The following SNRNP35 variants were observed in gnomAD, a reference collection of about 807,000 sequenced individuals.
SNRNP35 encodes small nuclear ribonucleoprotein U11/U12 subunit 35.
A neutral mutation model predicts 24.3 loss-of-function variants in SNRNP35; 16 were observed. The observed-to-expected ratio is 0.66, with a 90% CI of 0.45 to 1.00. SNRNP35 has a LOEUF of 1.00. Ranked by LOEUF, SNRNP35 falls within the 50% of genes least tolerant of loss-of-function variation. The pLI, the probability that SNRNP35 is intolerant of heterozygous loss-of-function variation, is 0.00. For missense variants in SNRNP35, 292 were observed against 327.2 expected, an observed-to-expected ratio of 0.89 and a Z score of 0.83; for synonymous variants, 106 against 124.8, an observed-to-expected ratio of 0.85 and a Z score of 1.00.
chr12:123,465,417 C>G lies in SNRNP35; in HGVS notation c.-3-121C>G. On this transcript the variant is annotated intron_variant, in intron 1 of 1. Transcript: ENST00000526639. This position sits in a 1 kb window ranked among gnomAD's most constrained non-coding sequence, Gnocchi z 4.2. Reference sequence around the variant, plus strand: ...GAGGACTTAGCCTCTGTGGGTGTTCCCTTCCTTTCCTGTTTTTAAGAAGAG... The same window carrying G: ...GAGGACTTAGCCTCTGTGGGTGTTCGCTTCCTTTCCTGTTTTTAAGAAGAG... 8.1e-7 allele frequency: 1 copy of G among 1,228,854 alleles called. No individual in the cohort carries two copies. The highest frequency in any genetic ancestry group is 1.1e-6 in the Non-Finnish European group (1 of 918,630). The allele number at this position is 1,228,854 out of a possible 1,614,324, so 76.1% of individuals were successfully genotyped here.
downstream of SNRNP35, among the ~76,000 whole-genome samples, chr12:123,467,701 C>T (rs1213901271): frequency 6.6e-6 from 1 of 152,190 alleles, no homozygotes; most frequent in Admixed American, 6.5e-5. Context: ...ATGAATCTCT[C>T]ATGATATTAT....
intron 1 of SNRNP35, among the ~76,000 whole-genome samples, chr12:123,462,576 G>A (rs148577911): frequency 0.023 from 3,420 of 149,276 alleles, 72 homozygotes; most frequent in Admixed American, 0.063. Context: ...GCATGTTCTC[G>A]GCTCACTGCA....
At chr12:123,461,710 A>C (rs1880640776) in intron 1 of SNRNP35, among the ~76,000 whole-genome samples, 1 of 151,842 alleles carries the variant, frequency 6.6e-6, no homozygotes, top group African/African-American at 2.4e-5. Flanking sequence ...TTGGACTAAA[A>C]AAAGTTCTAT....
exon 2 of SNRNP35, chr12:123,472,421 A>C: frequency 9.2e-7 from 1 of 1,092,138 alleles, no homozygotes; most frequent in Non-Finnish European, 1.3e-6. Context: ...TTGAGGGGTC[A>C]GTTTTCAGGG....
At chr12:123,471,967 G>C (rs1050348373) in exon 2 of SNRNP35, 1 of 153,436 alleles carries the variant, frequency 6.5e-6, no homozygotes, top group African/African-American at 2.4e-5. Context: ...TTCTGGGTAA[G>C]AGGACCATCA....
chr12:123,460,179 G>A (rs1278244052), intron 1 of SNRNP35, among the ~76,000 whole-genome samples: 1 of 152,076 alleles, frequency 6.6e-6, no homozygotes, highest in South Asian at 2.1e-4. Context: ...TTTCCTTCAG[G>A]AGAGGAGGGG....
chr12:123,458,243 G>A (rs377249134), intron 1 of SNRNP35, 27 bp downstream of exon 1: 2 of 985,104 alleles, frequency 2.0e-6, no homozygotes, highest in South Asian at 9.4e-5. Flanking sequence ...TGGAAGGAGC[G>A]GGCCCCACGC....
At chr12:123,467,575 A>G (rs766009148), downstream of SNRNP35, among the ~76,000 whole-genome samples, 1 of 152,242 alleles carries the variant, frequency 6.6e-6, no homozygotes, top group Non-Finnish European at 1.5e-5. Flanking sequence ...TTTTCAAAAA[A>G]GTGACATTTA....
chr12:123,466,552 C>A lies in SNRNP35; in HGVS notation c.*271C>A. On this transcript the variant is annotated 3_prime_UTR_variant, in exon 2 of 2. Transcript: ENST00000526639. ...ACAGAAGGGCATTTTCTTTTCTTTT[C>A]TTTTTTTTTTTTTTGAGACAGAGTC... 5.3e-6 allele frequency: 1 copy of A among 189,938 alleles called. No homozygotes were observed. Among genetic ancestry groups the A allele is most frequent in the Non-Finnish European group, 1.0e-5 (1 of 97,016 alleles). The allele number at this position is 189,938 out of a possible 1,614,324, so 11.8% of individuals were successfully genotyped here.
In SNRNP35 at chr12:123,458,223, G is replaced by A. The variant is rs1321722533; in HGVS notation, c.-4+7G>A. The A allele has an allele frequency of 1.0e-6, 1 of 985,388 alleles. No individual in the cohort carries two copies. The highest frequency in any genetic ancestry group is 1.7e-5 in the African/African-American group (1 of 57,248). 61.0% of individuals were successfully genotyped at this position (985,388 alleles called of 1,614,324 possible). On this transcript the variant is annotated splice_region_variant and intron_variant, in intron 1 of 1. Coordinates refer to ENST00000526639, the MANE Select transcript of SNRNP35 (RefSeq NM_022717.4). ...GAGCCCAAGCTTTGCAGAGGTGAGT[G>A]GAAGCGGCTTGGAAGGAGCGGGCCC...
intron 1 of SNRNP35, chr12:123,459,790 T>TA (rs941431048): frequency 5.9e-6 from 9 of 1,527,270 alleles, no homozygotes; most frequent in African/African-American, 2.8e-5. Context: ...TTGTCTCGAG[T>TA]AAAAAAAGAG....
chr12:123,460,356 T>C (rs531990760), intron 1 of SNRNP35, among the ~76,000 whole-genome samples: 3 of 152,232 alleles, frequency 2.0e-5, no homozygotes, highest in South Asian at 2.1e-4. Flanking sequence ...GGGCTACTTC[T>C]TAGCTTTAGG....
chr12:123,469,446 C>T (rs2139294916), downstream of SNRNP35, among the ~76,000 whole-genome samples: 1 of 152,214 alleles, frequency 6.6e-6, no homozygotes, highest in East Asian at 1.9e-4. Context: ...AACCACTGCT[C>T]CTGGCCATGA....
At chr12:123,468,378 AAAG>A (rs1285096867), downstream of SNRNP35, among the ~76,000 whole-genome samples, 1 of 142,332 alleles carries the variant, frequency 7.0e-6, no homozygotes, top group South Asian at 2.2e-4. Flanking sequence ...AAAAAAAAGA[AAAG>A]AAAAAAAGAA....
In SNRNP35 at chr12:123,465,062, GTTA is replaced by G. The variant is rs1379079427; in HGVS notation, c.-3-471_-3-469del. On this transcript the variant is annotated intron_variant, in intron 1 of 1. Transcript: ENST00000526639. This position sits in a 1 kb window ranked among gnomAD's most constrained non-coding sequence, Gnocchi z 4.2. ...GAGCCGGGTGAGAAGTTTGTGGAGG[GTTA>G]TTATATGATTCTCTATGTTGGTATT... 6.6e-6 allele frequency among the ~76,000 whole-genome samples: 1 copy of G among 152,198 alleles called. No homozygotes were observed. The highest frequency in any genetic ancestry group is 1.5e-5 in the Non-Finnish European group (1 of 68,034).
chr12:123,467,725 C>G, downstream of SNRNP35, among the ~76,000 whole-genome samples: 1 of 152,144 alleles, frequency 6.6e-6, no homozygotes, highest in Non-Finnish European at 1.5e-5. Flanking sequence ...GGGAACTGGA[C>G]CAACCTGCTG....
chr12:123,465,135 G>A lies in SNRNP35; in HGVS notation c.-3-403G>A, dbSNP rs1340131333. 6.6e-6 allele frequency among the ~76,000 whole-genome samples: 1 copy of A among 152,178 alleles called. No homozygotes were observed. The highest frequency in any genetic ancestry group is 1.5e-5 in the Non-Finnish European group (1 of 68,034). On this transcript the variant is annotated intron_variant, in intron 1 of 1. Transcript: ENST00000526639. The surrounding 1 kb of genome is among the most constrained non-coding windows in gnomAD (Gnocchi z 4.2). ...GTTTTTAAATTGCCATTTTCCACCA[G>A]CAGTTCCTGGGCTAGTTTTCCTATG...
chr12:123,468,689 CAAAACAA>C (rs926864332), downstream of SNRNP35, among the ~76,000 whole-genome samples: 7 of 152,046 alleles, frequency 4.6e-5, no homozygotes, highest in Non-Finnish European at 8.8e-5. Flanking sequence ...GACCCTGTCT[CAAAACAA>C]AAAACAAAAA....
chr12:123,463,920 C>T (rs1880787442), intron 1 of SNRNP35, among the ~76,000 whole-genome samples: 1 of 147,210 alleles, frequency 6.8e-6, no homozygotes. Context: ...CCACCTACCT[C>T]GCCTGGCTAA....
Sources: allele counts gnomAD v4.1 joint callset (sites outside exome capture counted in the v4.1 genomes callset), GRCh38; gene constraint gnomAD v4.1.1; non-coding constraint Gnocchi (gnomAD v3.1); transcripts MANE v1.5; gene names NCBI Gene and HGNC (gene_info 2026-07-23, HGNC 2026-07-21).